Variants in EEF1AKMT1 observed in about 807,000 individuals in gnomAD.
The protein encoded by EEF1AKMT1 is EEF1A lysine methyltransferase 1.
A neutral mutation model predicts 21.0 loss-of-function variants in EEF1AKMT1; 18 were observed. The ratio of observed to expected loss-of-function variants is 0.86; its 90% CI spans 0.59 to 1.27. The LOEUF (loss-of-function observed/expected upper bound fraction) is 1.27. Among genes scored for constraint, EEF1AKMT1 ranks in the 50% most tolerant of loss-of-function variants. The pLI is 0.00. For synonymous variants in EEF1AKMT1, 109 were observed against 94.8 expected (o/e 1.15, Z -0.87); for missense variants, 246 against 258.6 (o/e 0.95, Z 0.33).
chr13:20,760,921 C>G (rs764414707), intron 1 of EEF1AKMT1, among the ~76,000 whole-genome samples: 2 of 152,284 alleles, frequency 1.3e-5, no homozygotes. Flanking sequence ...AAGCTTTCTA[C>G]TCTGAAATAA....
At chr13:20,745,352 T>C (rs1190970859) in intron 2 of EEF1AKMT1, among the ~76,000 whole-genome samples, 1 of 152,222 alleles carries the variant, frequency 6.6e-6, no homozygotes, top group Non-Finnish European at 1.5e-5. Context: ...TTCTCTCTTA[T>C]TTCCTTGAGC....
intron 2 of EEF1AKMT1, among the ~76,000 whole-genome samples, chr13:20,743,414 T>C (rs2058883637): frequency 6.6e-6 from 1 of 151,756 alleles, no homozygotes; most frequent in African/African-American, 2.4e-5. Flanking sequence ...ACCTTGACTT[T>C]AATTTTGTGT....
At chr13:20,766,298 C>CAAAAAAAAAAAAAAAAAAAAAAAAAAAA (rs35866979) in intron 1 of EEF1AKMT1, among the ~76,000 whole-genome samples, 1 of 76,762 alleles carries the variant, frequency 1.3e-5, no homozygotes, top group Non-Finnish European at 2.3e-5. Context: ...GACTCCATCT[C>CAAAAAAAAAAAAAAAAAAAAAAAAAAAA]AAAAAAAAAA....
At chr13:20,741,631 A>G (rs752483318) in intron 2 of EEF1AKMT1, among the ~76,000 whole-genome samples, 4 of 151,396 alleles carry the variant, frequency 2.6e-5, no homozygotes, top group Non-Finnish European at 5.9e-5. Flanking sequence ...TAATTTTTGT[A>G]TTTTTAGTAG....
intron 2 of EEF1AKMT1, among the ~76,000 whole-genome samples, chr13:20,754,778 T>C (rs1052384778): frequency 1.4e-5 from 2 of 147,372 alleles, no homozygotes; most frequent in Non-Finnish European, 3.0e-5. Context: ...CTAGGTGTAG[T>C]GGCACATGCC....
chr13:20,731,166 C>A (rs1411293472), intron 4 of EEF1AKMT1, among the ~76,000 whole-genome samples: 32 of 136,400 alleles, frequency 2.3e-4, no homozygotes, highest in Admixed American at 2.1e-3. Context: ...CCCATGCAAC[C>A]ACACCTGGCT....
intron 1 of EEF1AKMT1, among the ~76,000 whole-genome samples, chr13:20,766,298 C>CAAAAAA (rs35866979): frequency 1.3e-3 from 103 of 76,660 alleles, no homozygotes; most frequent in East Asian, 2.9e-3. Context: ...GACTCCATCT[C>CAAAAAA]AAAAAAAAAA....
intron 1 of EEF1AKMT1, among the ~76,000 whole-genome samples, chr13:20,760,290 C>T (rs367767056): frequency 3.9e-5 from 6 of 151,976 alleles, no homozygotes; most frequent in African/African-American, 1.4e-4. Context: ...TCAACCTAAG[C>T]GTCCTATCAA....
rs566260003 is a variant in EEF1AKMT1, at chr13:20,737,878, T to G, written c.145-73A>C. On this transcript the variant is annotated intron_variant, in intron 2 of 4. Coordinates refer to ENST00000382758, the MANE Select transcript of EEF1AKMT1 (RefSeq NM_001318939.2). ...TTGTTCTTTTAATTTATATATAATCTATACCAGTGGACAGATATTTTGTTC... is the reference window on the plus strand; with the variant it reads ...TTGTTCTTTTAATTTATATATAATCGATACCAGTGGACAGATATTTTGTTC... The G allele has an allele frequency of 5.4e-4, 531 of 987,992 alleles. 9 individuals are homozygous for G. The South Asian group carries it at 7.7e-3, about 14-fold the overall frequency. The allele number at this position is 987,992 out of a possible 1,614,324, so 61.2% of individuals were successfully genotyped here.
chr13:20,748,995 G>A (rs2058926564), intron 2 of EEF1AKMT1, among the ~76,000 whole-genome samples: 1 of 152,036 alleles, frequency 6.6e-6, no homozygotes, highest in African/African-American at 2.4e-5. Flanking sequence ...TCTCAAAGTG[G>A]GTAGAATTAC....
chr13:20,737,799 T>C lies in EEF1AKMT1; in HGVS notation c.151A>G (p.Ser51Gly). The change falls in exon 3 of 5, where the codon AGC (serine) becomes GGC (glycine). Residue 51 changes from serine (S) to glycine (G), a missense_variant. Physicochemically the swap from Ser to Gly is moderately conservative, Grantham distance 56. Coordinates refer to ENST00000382758, the MANE Select transcript of EEF1AKMT1 (RefSeq NM_001318939.2). ...GTTTCCTGACTATACCAAAACTGGCTCAGTTGCTGTAACCGAGAAATAGGT... is the reference window on the plus strand; with the variant it reads ...GTTTCCTGACTATACCAAAACTGGCCCAGTTGCTGTAACCGAGAAATAGGT... The part of the protein sequence containing the change: ...IGIIEENWQL[S>G]QFWYSQETAL... The C allele has an allele frequency of 2.5e-6, 4 of 1,611,574 alleles. No individual in the cohort carries two copies. The highest frequency in any genetic ancestry group is 3.4e-6 in the Non-Finnish European group (4 of 1,178,742).
chr13:20,738,523 C>T (rs2058840849), intron 2 of EEF1AKMT1, among the ~76,000 whole-genome samples: 1 of 152,190 alleles, frequency 6.6e-6, no homozygotes, highest in African/African-American at 2.4e-5. Flanking sequence ...CAGCCAGTTG[C>T]ATGGGGCATG....
Position 20,732,018 on chromosome 13 carries a change from A to G in EEF1AKMT1, c.331T>C (p.Tyr111His). Residue 111 changes from tyrosine (Y) to histidine (H), a missense_variant, in exon 4 of 5, where the codon TAT becomes CAT. Transcript: ENST00000382758. ...TCATAGAAAATAAACTCCTCTCCAT[A>G]CATGGCAAATCTTTTGTCATATTCA... ...IFEYDKRFAMYGEEFIFYDYN... is the reference protein window; with the variant it reads ...IFEYDKRFAMHGEEFIFYDYN... 1.9e-6 allele frequency: 3 copies of G among 1,614,232 alleles called. No individual in the cohort carries two copies. The highest frequency in any genetic ancestry group is 2.5e-6 in the Non-Finnish European group (3 of 1,180,044).
At chr13:20,738,484 C>T (rs1244217066) in intron 2 of EEF1AKMT1, among the ~76,000 whole-genome samples, 2 of 152,236 alleles carry the variant, frequency 1.3e-5, no homozygotes. Flanking sequence ...CTCCAACAGG[C>T]CTCTCTTCCC....
chr13:20,748,731 T>G (rs1160112154), intron 2 of EEF1AKMT1, among the ~76,000 whole-genome samples: 48 of 130,488 alleles, frequency 3.7e-4, no homozygotes, highest in African/African-American at 5.5e-4. Context: ...TTTTGGTTTT[T>G]TTTTTTTTTT....
At chr13:20,749,688 C>G (rs2058930114) in intron 2 of EEF1AKMT1, among the ~76,000 whole-genome samples, 1 of 151,958 alleles carries the variant, frequency 6.6e-6, no homozygotes, top group Admixed American at 6.6e-5. Flanking sequence ...GCCTGGGCAA[C>G]ATAGTGAGAC....
chr13:20,736,733 CTTTTTT>C lies in EEF1AKMT1; in HGVS notation c.227+984_227+989del, dbSNP rs71087090. Among the ~76,000 whole-genome samples, 31 of 87,070 alleles carry C rather than the reference CTTTTTT, an allele frequency of 3.6e-4. 1 individual carries two copies. Among genetic ancestry groups the C allele is most frequent in the Admixed American group, 2.6e-3 (16 of 6,138 alleles). 57.1% of individuals were successfully genotyped at this position (87,070 alleles called of 152,430 possible). A position where few individuals can be genotyped will look rare whatever the true frequency, so the allele number is the denominator to read the frequency against. ...CATTAAGCCTTTTAGAACCATTTGA[CTTTTTT>C]TTTTTTTTTTTTTTTTGAGACAGAG... On this transcript the variant is annotated intron_variant, in intron 3 of 4. Transcript: ENST00000382758.
At chr13:20,730,928 A>G (rs1240069778) in intron 4 of EEF1AKMT1, among the ~76,000 whole-genome samples, 1 of 152,176 alleles carries the variant, frequency 6.6e-6, no homozygotes, top group Non-Finnish European at 1.5e-5. Flanking sequence ...TTGGGTCCAC[A>G]CCAACTTTAA....
At chr13:20,750,136 G>A (rs1366447843) in intron 2 of EEF1AKMT1, among the ~76,000 whole-genome samples, 1 of 152,178 alleles carries the variant, frequency 6.6e-6, no homozygotes, top group Non-Finnish European at 1.5e-5. Flanking sequence ...TGCACAGAAT[G>A]TGTAATGATC....
Sources: gnomAD v4.1 joint callset for allele counts (sites outside exome capture counted in the v4.1 genomes callset) on GRCh38, gnomAD v4.1.1 for gene constraint, MANE v1.5 for transcripts, NCBI Gene and HGNC (gene_info 2026-07-23, HGNC 2026-07-21) for gene names.